AAK1: variants seen among roughly 807,000 people sequenced by gnomAD.
The protein encoded by AAK1 is AP2-associated protein kinase 1.
Under a neutral mutation model 116.0 loss-of-function variants are expected in AAK1, and 37 were observed. The ratio of observed to expected loss-of-function variants is 0.32; its 90% CI spans 0.25 to 0.42. The LOEUF is 0.42. Among genes scored for constraint, AAK1 ranks in the 10% least tolerant of loss-of-function variants. AAK1 has a pLI of 1.00. For synonymous variants in AAK1, 458 were observed against 439.9 expected (o/e 1.04, Z -0.51); for missense variants, 919 against 1,170.6 (o/e 0.79, Z 3.14).
intron 17 of AAK1, among the ~76,000 whole-genome samples, chr2:69,490,838 AT>A (rs1263150502): frequency 1.3e-5 from 2 of 152,144 alleles, no homozygotes; most frequent in Non-Finnish European, 2.9e-5. Flanking sequence ...TTTTACTACA[AT>A]TTAAAAGAAT....
chr2:69,562,878 A>C (rs956550897), intron 2 of AAK1, among the ~76,000 whole-genome samples: 1 of 152,198 alleles, frequency 6.6e-6, no homozygotes, highest in Non-Finnish European at 1.5e-5. Context: ...CGACAGAGCG[A>C]GACTCCATCT....
At chr2:69,512,819 A>C (rs569426609) in intron 13 of AAK1, among the ~76,000 whole-genome samples, 1 of 152,218 alleles carries the variant, frequency 6.6e-6, no homozygotes, top group Non-Finnish European at 1.5e-5. Context: ...TTTGTGTAGG[A>C]GAAGCATAGG....
chr2:69,469,807 A>C lies in AAK1; in HGVS notation c.*6062T>G. ...AAACATACTTCTTTTTCTTGCTCTGATGTAGGACTGTGTGCCAGGTTAGGC... is the reference window on the plus strand; with the variant it reads ...AAACATACTTCTTTTTCTTGCTCTGCTGTAGGACTGTGTGCCAGGTTAGGC... On this transcript the variant is annotated 3_prime_UTR_variant, in exon 22 of 22. Coordinates refer to ENST00000409085, the MANE Select transcript of AAK1 (RefSeq NM_014911.5). The C allele has an allele frequency of 1.0e-6, 1 of 985,438 alleles. No homozygotes were observed. The highest frequency in any genetic ancestry group is 1.2e-6 in the Non-Finnish European group (1 of 829,926). 61.0% of individuals were successfully genotyped at this position (985,438 alleles called of 1,614,324 possible).
At chr2:69,577,719 CTG>C (rs1451713809) in intron 2 of AAK1, among the ~76,000 whole-genome samples, 2 of 152,204 alleles carry the variant, frequency 1.3e-5, no homozygotes. Context: ...GCAATCTACA[CTG>C]TGCCAAAACA....
rs531021526 is a variant in AAK1 at position 69,465,622 on chromosome 2, G to A, written c.*10247C>T. 9.3e-6 allele frequency: 12 copies of A among 1,290,942 alleles called. No homozygotes were observed. The African/African-American group carries it at 1.2e-4, about 13-fold the overall frequency. The allele number at this position is 1,290,942 out of a possible 1,614,324, so 80.0% of individuals were successfully genotyped here. On this transcript the variant is annotated 3_prime_UTR_variant, in exon 22 of 22. Coordinates refer to ENST00000409085, the MANE Select transcript of AAK1 (RefSeq NM_014911.5). ...GGCTCGTCTTCTGGGCTATAGTGACGGGAATACTTGGATAAGGACTGGGGG... is the reference window on the plus strand; with the variant it reads ...GGCTCGTCTTCTGGGCTATAGTGACAGGAATACTTGGATAAGGACTGGGGG...
intron 2 of AAK1, among the ~76,000 whole-genome samples, chr2:69,642,519 C>T (rs1475703735): frequency 6.6e-6 from 1 of 152,012 alleles, no homozygotes; most frequent in African/African-American, 2.4e-5. Context: ...GCCTTCACAT[C>T]AAGATTTTAA....
At chr2:69,532,007 T>G (rs1188699829) in intron 6 of AAK1, 34 bp downstream of exon 6, 1 of 1,610,304 alleles carries the variant, frequency 6.2e-7, no homozygotes, top group South Asian at 1.1e-5. Context: ...CATCTGATTG[T>G]GGACAAAACT....
chr2:69,488,019 G>A (rs1024201322), intron 17 of AAK1, among the ~76,000 whole-genome samples: 4 of 152,128 alleles, frequency 2.6e-5, no homozygotes, highest in African/African-American at 9.6e-5. Flanking sequence ...TCAAACTCCT[G>A]ACCTCAGGTG....
At position 69,571,339 on chromosome 2, in the gene AAK1, T is replaced by C. The variant is rs1672087531; in HGVS notation, c.164-14361A>G. Among the ~76,000 whole-genome samples the C allele has an allele frequency of 2.0e-5, 3 of 152,338 alleles. No individual in the cohort carries two copies. In the South Asian group the frequency reaches 6.2e-4, roughly 32 times the overall value. ...CCATGTAGACTAGGCTGATGGCTGC[T>C]ACTGTCAGCCATGTGTGTTCCAGAG... On this transcript the variant is annotated intron_variant, in intron 2 of 21. Transcript: ENST00000409085.
chr2:69,578,691 A>C (rs1473368420), intron 2 of AAK1, among the ~76,000 whole-genome samples: 2 of 152,078 alleles, frequency 1.3e-5, no homozygotes, highest in Non-Finnish European at 2.9e-5. Flanking sequence ...CCCATCGTTT[A>C]GGGACTTCAC....
chr2:69,459,537 T>G lies in AAK1; in HGVS notation c.*16332A>C, dbSNP rs1674290583. 1 of 152,214 alleles carries G rather than the reference T, an allele frequency of 6.6e-6. No homozygotes were observed. Among genetic ancestry groups the G allele is most frequent in the African/African-American group, 2.4e-5 (1 of 41,440 alleles). The allele number at this position is 152,214 out of a possible 1,614,324, so 9.4% of individuals were successfully genotyped here. A position where few individuals can be genotyped will look rare whatever the true frequency, so the allele number is the denominator to read the frequency against. ...ACACAGCCTCCCAGAGTGCTGGGAT[T>G]CCAAGTGTGAGCCACCACACCCCGC... On this transcript the variant is annotated 3_prime_UTR_variant, in exon 22 of 22. Transcript: ENST00000409085.
At chr2:69,479,449 G>A (rs190040943) in intron 19 of AAK1, among the ~76,000 whole-genome samples, 2 of 152,276 alleles carry the variant, frequency 1.3e-5, no homozygotes, top group Admixed American at 1.3e-4. Context: ...CTGTGATTTG[G>A]ATGCTGAGCT....
intron 3 of AAK1, among the ~76,000 whole-genome samples, chr2:69,555,303 G>C (rs1455583569): frequency 6.6e-6 from 1 of 152,202 alleles, no homozygotes; most frequent in East Asian, 1.9e-4. Context: ...ATGGCCCTTG[G>C]GAGTTGGCTG....
chr2:69,523,215 T>A (rs1048427807), intron 10 of AAK1, among the ~76,000 whole-genome samples: 2 of 152,182 alleles, frequency 1.3e-5, no homozygotes, highest in Admixed American at 6.5e-5. Flanking sequence ...TCTGCACATA[T>A]CATGTTTGAG....
intron 2 of AAK1, among the ~76,000 whole-genome samples, chr2:69,634,221 T>C (rs1041347743): frequency 2.7e-4 from 41 of 152,194 alleles, no homozygotes; most frequent in Non-Finnish European, 3.5e-4. Context: ...TGATCCTTTG[T>C]ACAAGGAAGA....
intron 2 of AAK1, among the ~76,000 whole-genome samples, chr2:69,606,611 C>A (rs1440129543): frequency 6.6e-6 from 1 of 152,188 alleles, no homozygotes; most frequent in African/African-American, 2.4e-5. Flanking sequence ...AGCCACCAAT[C>A]ATTGATCACT....
intron 3 of AAK1, among the ~76,000 whole-genome samples, chr2:69,552,672 C>T (rs938483656): frequency 6.6e-6 from 1 of 151,952 alleles, no homozygotes; most frequent in Non-Finnish European, 1.5e-5. Context: ...GATTGCACCA[C>T]TGCACTCCAG....
At chr2:69,507,013 T>C (rs1676211607) in intron 15 of AAK1, among the ~76,000 whole-genome samples, 1 of 152,160 alleles carries the variant, frequency 6.6e-6, no homozygotes, top group African/African-American at 2.4e-5. Context: ...AAAGATTCAG[T>C]GTCCATGTGA....
intron 20 of AAK1, 61 bp from the exon 21 acceptor site, chr2:69,477,051 G>C: frequency 9.0e-7 from 1 of 1,115,008 alleles, no homozygotes; most frequent in Middle Eastern, 1.9e-4. Context: ...GCAAATGAGA[G>C]AATGTGAAAG....
Sources: gnomAD v4.1 joint callset for allele counts (sites outside exome capture counted in the v4.1 genomes callset) on GRCh38, gnomAD v4.1.1 for gene constraint, MANE v1.5 for transcripts, NCBI Gene and HGNC (gene_info 2026-07-23, HGNC 2026-07-21) for gene names.